The following POLR3A variants were observed in gnomAD, a reference collection of about 807,000 sequenced individuals.
POLR3A encodes DNA-directed RNA polymerase III subunit RPC1.
In POLR3A, 112 loss-of-function variants were observed where a neutral mutation model predicts 152.8. The observed-to-expected ratio is 0.73, with a 90% confidence interval of 0.63 to 0.86. The LOEUF (loss-of-function observed/expected upper bound fraction) is 0.86. Among genes scored for constraint, POLR3A ranks in the 40% least tolerant of loss-of-function variants. POLR3A has a pLI of 0.00. For synonymous variants in POLR3A, 615 were observed against 652.1 expected (o/e 0.94, Z 0.87); for missense variants, 1,385 against 1,743.1 (o/e 0.79, Z 3.66).
At position 78,021,412 on chromosome 10, in the gene POLR3A, T is replaced by C. The variant is rs1847578041; in HGVS notation, c.1185+134A>G. 2.4e-5 allele frequency: 19 copies of C among 799,578 alleles called. No individual in the cohort carries two copies. In the South Asian group the frequency reaches 2.6e-4, roughly 11 times the overall value. The allele number at this position is 799,578 out of a possible 1,614,324, so 49.5% of individuals were successfully genotyped here. The stretch of plus-strand genomic sequence containing the variant: ...GTATAAAGCAAACTGGGAAGACACA[T>C]ACACTCATATAAACCAAACTGTGGG... On this transcript the variant is annotated intron_variant, in intron 8 of 30. Transcript: ENST00000372371.
intron 9 of POLR3A, among the ~76,000 whole-genome samples, chr10:78,018,519 AT>A (rs1172402935): frequency 6.6e-6 from 1 of 151,770 alleles, no homozygotes; most frequent in Non-Finnish European, 1.5e-5. Context: ...AAAAAGACAT[AT>A]CCTAATTTTA....
intron 19 of POLR3A, among the ~76,000 whole-genome samples, chr10:77,995,340 G>C (rs1029258110): frequency 6.6e-6 from 1 of 152,180 alleles, no homozygotes; most frequent in Non-Finnish European, 1.5e-5. Flanking sequence ...TGGGCTAAAT[G>C]CTCCAATTAA....
chr10:78,015,388 C>CTATTTATAG, intron 10 of POLR3A, among the ~76,000 whole-genome samples: 1 of 152,052 alleles, frequency 6.6e-6, no homozygotes, highest in East Asian at 1.9e-4. Flanking sequence ...AGTGCAGTGG[C>CTATTTATAG]GCAATCTCGG....
At chr10:78,016,186 T>C (rs1397456307) in intron 10 of POLR3A, among the ~76,000 whole-genome samples, 1 of 152,090 alleles carries the variant, frequency 6.6e-6, no homozygotes, top group Non-Finnish European at 1.5e-5. Context: ...CAAAAAAATA[T>C]GGTTTAAGGT....
At chr10:77,979,924 GGGAAGTC>G (rs1847124089) in intron 30 of POLR3A, among the ~76,000 whole-genome samples, 1 of 152,210 alleles carries the variant, frequency 6.6e-6, no homozygotes, top group Non-Finnish European at 1.5e-5. Flanking sequence ...TGCTGACAGA[GGGAAGTC>G]ATCCAACAGA....
At position 77,977,549 on chromosome 10, in the gene POLR3A, T is replaced by C. The variant is rs754325394; in HGVS notation, c.4102A>G (p.Arg1368Gly). 1 of 1,614,050 alleles carries C rather than the reference T, an allele frequency of 6.2e-7. No individual in the cohort carries two copies. Among genetic ancestry groups the C allele is most frequent in the Non-Finnish European group, 8.5e-7 (1 of 1,179,932 alleles). ...GGCCTCTTGGGAGGGTTCGGGTCCC[T>C]GTCAGCCTTGTGAAGCAGCTTGAAG... Reference protein sequence around the residue: ...GLFKLLHKADRDPNPPKRPLI... With the variant: ...GLFKLLHKADGDPNPPKRPLI... The change falls in exon 31 of 31, where the codon AGG becomes GGG. Residue 1368 changes from arginine to glycine, a missense_variant. By Grantham distance (125) the Arg-to-Gly change is moderately radical (BLOSUM62 -2). Transcript: ENST00000372371.
At chr10:77,977,719 G>T in intron 30 of POLR3A, 93 bp from the exon 31 acceptor site, 1 of 1,061,226 alleles carries the variant, frequency 9.4e-7, no homozygotes, top group Non-Finnish European at 1.5e-6. Context: ...AGAAAATTAG[G>T]ATGTGAGTCC....
At chr10:77,996,690 A>T (rs2131939441) in intron 19 of POLR3A, among the ~76,000 whole-genome samples, 1 of 152,240 alleles carries the variant, frequency 6.6e-6, no homozygotes, top group East Asian at 1.9e-4. Context: ...AACCAAAAAA[A>T]GTCCAGGACC....
intron 20 of POLR3A, among the ~76,000 whole-genome samples, chr10:77,992,076 G>C (rs1847254869): frequency 6.6e-6 from 1 of 152,146 alleles, no homozygotes; most frequent in African/African-American, 2.4e-5. Flanking sequence ...GTATTGTCCA[G>C]CTACTCTCCA....
chr10:77,983,832 G>GC (rs1847171185), intron 26 of POLR3A, 88 bp downstream of exon 26: 2 of 814,972 alleles, frequency 2.5e-6, no homozygotes, highest in Admixed American at 3.8e-5. Flanking sequence ...TGCTTCCTCT[G>GC]TCTTGCTTAG....
chr10:78,006,395 CAAAA>C (rs36050560), intron 15 of POLR3A, among the ~76,000 whole-genome samples: 3 of 21,934 alleles, frequency 1.4e-4, no homozygotes, highest in African/African-American at 3.4e-4. Context: ...GACTCTGTCT[CAAAA>C]AAAAAAAAAA....
At chr10:77,982,862 C>T (rs2131928458) in intron 26 of POLR3A, 45 bp from the exon 27 acceptor site, 1 of 1,591,508 alleles carries the variant, frequency 6.3e-7, no homozygotes, top group East Asian at 2.2e-5. Flanking sequence ...CAGTGTTGTT[C>T]TTCGTTTATT....
chr10:78,002,732 C>A (rs1847369750), intron 16 of POLR3A, among the ~76,000 whole-genome samples: 1 of 152,060 alleles, frequency 6.6e-6, no homozygotes, highest in Non-Finnish European at 1.5e-5. Flanking sequence ...GAGATGGGGT[C>A]TTGCTATACT....
intron 21 of POLR3A, among the ~76,000 whole-genome samples, chr10:77,989,353 A>G (rs2131934048): frequency 6.6e-6 from 1 of 152,284 alleles, no homozygotes; most frequent in East Asian, 1.9e-4. Context: ...CAGCTCTGAT[A>G]CGGGCTAGGG....
intron 29 of POLR3A, among the ~76,000 whole-genome samples, chr10:77,980,805 A>C (rs1410503837): frequency 6.6e-6 from 1 of 152,218 alleles, no homozygotes; most frequent in East Asian, 1.9e-4. Flanking sequence ...ACTTCACAGA[A>C]GACATCGAAC....
At chr10:78,005,380 G>C (rs1847401102) in intron 15 of POLR3A, among the ~76,000 whole-genome samples, 1 of 152,230 alleles carries the variant, frequency 6.6e-6, no homozygotes, top group Non-Finnish European at 1.5e-5. Context: ...TTGGGAGGTG[G>C]AGGTTGCAAT....
Position 78,023,655 on chromosome 10 carries a change from G to C in POLR3A, c.645+894C>G, listed in dbSNP as rs571267231. Among the ~76,000 whole-genome samples, 6 of 151,872 alleles carry C rather than the reference G, an allele frequency of 4.0e-5. No individual in the cohort carries two copies. In the South Asian group the frequency reaches 1.3e-3, roughly 32 times the overall value. On this transcript the variant is annotated intron_variant, in intron 5 of 30. Coordinates refer to ENST00000372371, the MANE Select transcript of POLR3A (RefSeq NM_007055.4). ...TTGCTGGGGGTGGTGGTGTGTGCCT[G>C]TAGTCCCAGCTACTTGGGAGGCTGA... is the stretch of plus-strand genomic sequence containing the variant.
chr10:77,993,169 T>C (rs751034326), intron 20 of POLR3A, 28 bp downstream of exon 20: 2 of 1,580,280 alleles, frequency 1.3e-6, no homozygotes, highest in Non-Finnish European at 1.7e-6. Flanking sequence ...AAAAACACTC[T>C]AACCCCAGAT....
At position 77,981,471 on chromosome 10, in the gene POLR3A, T is replaced by C. The variant is rs1228935858; in HGVS notation, c.3848A>G (p.Asp1283Gly). ...YTMVNHGMSI[D>G]RRHVMLLSDL... ...GGAGAGCAGCATCACGTGCCTCCTG[T>C]CGATGCTCATGCCGTGGTTCACCAT... The change falls in exon 29 of 31, where the codon GAC (aspartate) becomes GGC (glycine). Residue 1283 changes from aspartate to glycine, a missense_variant. This residue lies in a region of POLR3A where 332 missense variants were observed against 400.1 expected (regional missense o/e 0.83). Coordinates refer to ENST00000372371, the MANE Select transcript of POLR3A (RefSeq NM_007055.4). 1.9e-6 allele frequency: 3 copies of C among 1,614,030 alleles called. No individual in the cohort carries two copies. The highest frequency in any genetic ancestry group is 8.5e-7 in the Non-Finnish European group (1 of 1,179,944).
Sources: gnomAD v4.1 joint callset for allele counts (sites outside exome capture counted in the v4.1 genomes callset) on GRCh38, gnomAD v4.1.1 for gene constraint, gnomAD v4.1.1 regional missense constraint, MANE v1.5 for transcripts, NCBI Gene and HGNC (gene_info 2026-07-23, HGNC 2026-07-21) for gene names.